The following HSPA13 variants were observed in gnomAD, a reference collection of about 807,000 sequenced individuals.
HSPA13 encodes heat shock protein family A (Hsp70) member 13.
In HSPA13, 29 loss-of-function variants were observed where a neutral mutation model predicts 38.8. That is an observed-to-expected ratio of 0.75 (90% CI 0.56 to 1.02). HSPA13 has a LOEUF of 1.02. Among genes scored for constraint, HSPA13 ranks in the 50% least tolerant of loss-of-function variants. HSPA13 has a pLI of 0.00. For synonymous variants in HSPA13, 192 were observed against 205.3 expected, an observed-to-expected ratio of 0.94 and a Z score of 0.56; for missense variants, 451 against 560.9, an observed-to-expected ratio of 0.80 and a Z score of 1.98.
At chr21:14,375,491 ATT>A (rs34202425) in intron 4 of HSPA13, among the ~76,000 whole-genome samples, 159 bp downstream of exon 4, 39,239 of 128,268 alleles carry the variant, frequency 0.31, 5,852 homozygotes, top group Middle Eastern at 0.39. Flanking sequence ...TTTTTCTGTA[ATT>A]TTTTTTTTTT....
Position 14,371,919 on chromosome 21 carries a change from T to C in HSPA13, c.*1698A>G, listed in dbSNP as rs1015172852. ...AATATTTTCATAATGCAGTGAAGGA[T>C]TCATCTTTGGCATTTCTCCATTCAT... On this transcript the variant is annotated 3_prime_UTR_variant, in exon 5 of 5. Coordinates refer to ENST00000285667, the MANE Select transcript of HSPA13 (RefSeq NM_006948.5). 1 of 152,536 alleles carries C rather than the reference T, an allele frequency of 6.6e-6. No homozygotes were observed. Among genetic ancestry groups the C allele is most frequent in the Non-Finnish European group, 1.5e-5 (1 of 67,950 alleles). 9.4% of individuals were successfully genotyped at this position (152,536 alleles called of 1,614,324 possible). A position where few individuals can be genotyped will look rare whatever the true frequency, so the allele number is the denominator to read the frequency against.
At chr21:14,377,516 C>G (rs1355599530) in intron 3 of HSPA13, among the ~76,000 whole-genome samples, 1 of 152,160 alleles carries the variant, frequency 6.6e-6, no homozygotes, top group East Asian at 1.9e-4. Flanking sequence ...AAAAATCTAT[C>G]TACTTTACCT....
At chr21:14,381,587 A>T in intron 1 of HSPA13, 44 bp from the exon 2 acceptor site, 1 of 1,452,520 alleles carries the variant, frequency 6.9e-7, no homozygotes, top group South Asian at 1.3e-5. Flanking sequence ...TCAAACTAGT[A>T]CAATGTACTA....
intron 3 of HSPA13, 87 bp from the exon 4 acceptor site, chr21:14,375,906 T>C: frequency 9.9e-7 from 1 of 1,011,962 alleles, no homozygotes; most frequent in Non-Finnish European, 1.5e-6. Flanking sequence ...GTGTCTTCTG[T>C]GACATGAACT....
Position 14,373,922 on chromosome 21 carries a change from C to T in HSPA13, c.1111G>A (p.Asp371Asn). ...TGAAAGAGGTCTTCATTAAGGGTAT[C>T]AAAGAGTTTCCGTGATATTTCTGTT... Reference protein sequence around the residue: ...FETEISRKLFDTLNEDLFQKI... With the variant: ...FETEISRKLFNTLNEDLFQKI... The change falls in exon 5 of 5, where the codon GAT becomes AAT. Residue 371 changes from aspartate (D) to asparagine (N), a missense_variant. Coordinates refer to ENST00000285667, the MANE Select transcript of HSPA13 (RefSeq NM_006948.5). 1 of 1,614,176 alleles carries T rather than the reference C, an allele frequency of 6.2e-7. No individual in the cohort carries two copies. Among genetic ancestry groups the T allele is most frequent in the Non-Finnish European group, 8.5e-7 (1 of 1,180,034 alleles).
chr21:14,378,240 A>G lies in HSPA13; in HGVS notation c.539T>C (p.Leu180Pro), dbSNP rs1984076871. 1.9e-6 allele frequency: 3 copies of G among 1,614,042 alleles called. No individual in the cohort carries two copies. The highest frequency in any genetic ancestry group is 2.5e-6 in the Non-Finnish European group (3 of 1,180,008). Residue 180 changes from leucine (L) to proline (P), a missense_variant, in exon 3 of 5, where the codon CTA becomes CCA. Leu to Pro is a moderately conservative substitution (Grantham distance 98). Coordinates refer to ENST00000285667, the MANE Select transcript of HSPA13 (RefSeq NM_006948.5). ...AVISVPAEFD[L>P]KQRNSTIEAA... ...TTCAATTGTTGAATTTCTCTGTTTTAGATCAAATTCTGCTGGTACAGAAAT... is the reference window on the plus strand; with the variant it reads ...TTCAATTGTTGAATTTCTCTGTTTTGGATCAAATTCTGCTGGTACAGAAAT...
chr21:14,372,243 A>T lies in HSPA13; in HGVS notation c.*1374T>A, dbSNP rs1287452077. 1 of 152,050 alleles carries T rather than the reference A, an allele frequency of 6.6e-6. No homozygotes were observed. The allele number at this position is 152,050 out of a possible 1,614,324, so 9.4% of individuals were successfully genotyped here. ...ATACTTTACAATAAAAAACAAAAAA[A>T]GGTGATCAGGATATAATTTTTGAAT... On this transcript the variant is annotated 3_prime_UTR_variant, in exon 5 of 5. Coordinates refer to ENST00000285667, the MANE Select transcript of HSPA13 (RefSeq NM_006948.5).
chr21:14,379,102 C>T (rs1302436983), intron 2 of HSPA13, among the ~76,000 whole-genome samples: 4 of 151,912 alleles, frequency 2.6e-5, no homozygotes, highest in African/African-American at 7.3e-5. Context: ...TTTCTTGTTT[C>T]TAAGAGTAAT....
chr21:14,371,256 T>C lies in HSPA13; in HGVS notation c.*2361A>G, dbSNP rs1488220702. ...GTTATACACAGCAGTATCTGTTAAG[T>C]CAGTGGTTTGAGTGAAAACACAGTA... On this transcript the variant is annotated 3_prime_UTR_variant, in exon 5 of 5. Transcript: ENST00000285667. 6.6e-6 allele frequency: 1 copy of C among 152,644 alleles called. No individual in the cohort carries two copies. The highest frequency in any genetic ancestry group is 1.5e-5 in the Non-Finnish European group (1 of 68,022). The allele number at this position is 152,644 out of a possible 1,614,324, so 9.5% of individuals were successfully genotyped here. A position where few individuals can be genotyped will look rare whatever the true frequency, so the allele number is the denominator to read the frequency against.
chr21:14,378,951 C>T (rs1794888562), intron 2 of HSPA13, among the ~76,000 whole-genome samples: 1 of 152,056 alleles, frequency 6.6e-6, no homozygotes, highest in African/African-American at 2.4e-5. Context: ...GAATAAAATT[C>T]ATCACCACGC....
intron 4 of HSPA13, among the ~76,000 whole-genome samples, chr21:14,375,224 T>G (rs1316620841): frequency 6.6e-6 from 1 of 152,190 alleles, no homozygotes; most frequent in African/African-American, 2.4e-5. Flanking sequence ...GTTCCCTTTC[T>G]TCACCATCAC....
In HSPA13 at chr21:14,372,871, C is replaced by T. The variant is rs896710795; in HGVS notation, c.*746G>A. ...GCAATTACCAATTTTATTCTCTAAC[C>T]AAACAGAATAATGGAAATCCAAGCA... On this transcript the variant is annotated 3_prime_UTR_variant, in exon 5 of 5. Coordinates refer to ENST00000285667, the MANE Select transcript of HSPA13 (RefSeq NM_006948.5). 1 of 152,026 alleles carries T rather than the reference C, an allele frequency of 6.6e-6. No homozygotes were observed. The highest frequency in any genetic ancestry group is 1.5e-5 in the Non-Finnish European group (1 of 67,962). The allele number at this position is 152,026 out of a possible 1,614,324, so 9.4% of individuals were successfully genotyped here. A position where few individuals can be genotyped will look rare whatever the true frequency, so the allele number is the denominator to read the frequency against.
intron 2 of HSPA13, 97 bp from the exon 3 acceptor site, chr21:14,378,509 C>A: frequency 1.3e-6 from 1 of 749,914 alleles, no homozygotes; most frequent in South Asian, 1.8e-5. Context: ...AGAACTTACC[C>A]TTATCTTTAC....
chr21:14,378,023 A>G (rs745392071), intron 3 of HSPA13, among the ~76,000 whole-genome samples, 176 bp downstream of exon 3: 2 of 152,238 alleles, frequency 1.3e-5, no homozygotes, highest in African/African-American at 2.4e-5. Context: ...AATCCCTTTC[A>G]TATACACATA....
chr21:14,378,580 A>G (rs1230320960), intron 2 of HSPA13, among the ~76,000 whole-genome samples, 168 bp from the exon 3 acceptor site: 1 of 152,112 alleles, frequency 6.6e-6, no homozygotes, highest in Non-Finnish European at 1.5e-5. Flanking sequence ...AACTTGTTAA[A>G]TGTTATACAT....
In HSPA13 at chr21:14,372,304, T is replaced by A. The variant is rs1982846108; in HGVS notation, c.*1313A>T. 1 of 151,508 alleles carries A rather than the reference T, an allele frequency of 6.6e-6. No individual in the cohort carries two copies. The highest frequency in any genetic ancestry group is 1.5e-5 in the Non-Finnish European group (1 of 67,822). 9.4% of individuals were successfully genotyped at this position (151,508 alleles called of 1,614,324 possible). On this transcript the variant is annotated 3_prime_UTR_variant, in exon 5 of 5. Transcript: ENST00000285667. The stretch of plus-strand genomic sequence containing the variant: ...ATTCCTCTATTAAGGAAAATATGTA[T>A]ATATATATATAATCTGTATCCATAT...
intron 3 of HSPA13, among the ~76,000 whole-genome samples, chr21:14,377,646 G>A (rs2123525562): frequency 6.6e-6 from 1 of 152,296 alleles, no homozygotes; most frequent in African/African-American, 2.4e-5. Flanking sequence ...ACTGGCAGAG[G>A]CAGATCCACC....
At position 14,381,422 on chromosome 21, in the gene HSPA13, A is replaced by C; in HGVS notation, c.147T>G (p.Phe49Leu). The change falls in exon 2 of 5, where the codon TTT becomes TTG. Residue 49 changes from phenylalanine (F) to leucine (L), a missense_variant. Phe to Leu is a conservative substitution (Grantham distance 22). Coordinates refer to ENST00000285667, the MANE Select transcript of HSPA13 (RefSeq NM_006948.5). ...TCACCTTTACTTTTCCTGTGCCAGG[A>C]AAAAACACCCCAACAGAACAATAGG... is the stretch of plus-strand genomic sequence containing the variant. ...GTTYCSVGVF[F>L]PGTGKVKVIP... 9.3e-6 allele frequency: 15 copies of C among 1,614,156 alleles called. No homozygotes were observed. Among genetic ancestry groups the C allele is most frequent in the Non-Finnish European group, 1.3e-5 (15 of 1,180,022 alleles).
intron 2 of HSPA13, 37 bp downstream of exon 2, chr21:14,381,166 C>T: frequency 1.4e-6 from 2 of 1,430,600 alleles, no homozygotes; most frequent in Admixed American, 1.9e-5. Context: ...TAAAAGAGTA[C>T]ACTAAAATTA....
Sources: allele counts gnomAD v4.1 joint callset (sites outside exome capture counted in the v4.1 genomes callset), GRCh38; gene constraint gnomAD v4.1.1; transcripts MANE v1.5; gene names NCBI Gene and HGNC (gene_info 2026-07-23, HGNC 2026-07-21).